The following AVIL variants were observed in gnomAD, a reference collection of about 807,000 sequenced individuals.
AVIL encodes advillin.
AVIL carries 78 observed loss-of-function variants against 109.9 expected under a neutral mutation model. That is an observed-to-expected ratio of 0.71 (90% CI 0.59 to 0.86). The LOEUF (loss-of-function observed/expected upper bound fraction) is 0.86. Among genes scored for constraint, AVIL ranks in the 40% least tolerant of loss-of-function variants. The pLI, the probability that AVIL is intolerant of heterozygous loss-of-function variation, is 0.00. For missense variants in AVIL, 892 were observed against 1,016.5 expected (o/e 0.88, Z 1.67); for synonymous variants, 367 against 379.1 (o/e 0.97, Z 0.37).
intron 2 of AVIL, among the ~76,000 whole-genome samples, chr12:57,815,331 G>C (rs1289089178): frequency 6.6e-6 from 1 of 152,244 alleles, no homozygotes; most frequent in East Asian, 1.9e-4. Context: ...TGCGAGGCTT[G>C]CTGGAGAGCT....
chr12:57,799,747 T>A, intron 19 of AVIL, 48 bp downstream of exon 19: 6 of 1,610,144 alleles, frequency 3.7e-6, no homozygotes, highest in Non-Finnish European at 5.1e-6. Flanking sequence ...AGTTTTTTAC[T>A]CACGGAGAGC....
intron 18 of AVIL, among the ~76,000 whole-genome samples, chr12:57,800,815 T>G (rs1955831965): frequency 6.6e-6 from 1 of 152,058 alleles, no homozygotes; most frequent in Non-Finnish European, 1.5e-5. Flanking sequence ...ACCATATTAG[T>G]CAGGCTGGTC....
At chr12:57,818,182 C>CCTTTTTTCTT (rs1956119834) in intron 1 of AVIL, among the ~76,000 whole-genome samples, 1 of 35,256 alleles carries the variant, frequency 2.8e-5, no homozygotes, top group African/African-American at 9.2e-5. Flanking sequence ...CCATGCTTGG[C>CCTTTTTTCTT]TTTTTTTTTT....
intron 6 of AVIL, 89 bp from the exon 7 acceptor site, chr12:57,810,640 C>T: frequency 1.3e-6 from 2 of 1,492,640 alleles, no homozygotes; most frequent in Admixed American, 1.8e-5. Flanking sequence ...ATCCCAGACA[C>T]AGGAGTTACT....
chr12:57,815,468 G>A, intron 2 of AVIL: 2 of 809,012 alleles, frequency 2.5e-6, no homozygotes, highest in Non-Finnish European at 3.3e-6. Flanking sequence ...AGCTACCCAG[G>A]CCAGGGTGGT....
chr12:57,799,131 G>A (rs1955795548), intron 19 of AVIL, among the ~76,000 whole-genome samples: 1 of 152,192 alleles, frequency 6.6e-6, no homozygotes, highest in Non-Finnish European at 1.5e-5. Context: ...AGCAGTATTA[G>A]GGTGGTCAGG....
In AVIL at chr12:57,797,852, G is replaced by A; in HGVS notation, c.*30C>T. Reference sequence around the variant, plus strand: ...ATTGGCACTATCTGCTCTTTTCTGTGGCCTTGCAATAGGTATAGGCCTTCT... The same window carrying A: ...ATTGGCACTATCTGCTCTTTTCTGTAGCCTTGCAATAGGTATAGGCCTTCT... On this transcript the variant is annotated 3_prime_UTR_variant, in exon 20 of 20. Transcript: ENST00000549994. The A allele has an allele frequency of 2.0e-6, 3 of 1,497,200 alleles. No individual in the cohort carries two copies. Among genetic ancestry groups the A allele is most frequent in the African/African-American group, 1.4e-5 (1 of 70,774 alleles). The allele number at this position is 1,497,200 out of a possible 1,614,324, so 92.7% of individuals were successfully genotyped here. A position where few individuals can be genotyped will look rare whatever the true frequency, so the allele number is the denominator to read the frequency against.
At chr12:57,808,941 AT>A (rs1337680314) in intron 9 of AVIL, 1 of 201,762 alleles carries the variant, frequency 5.0e-6, no homozygotes, top group Non-Finnish European at 1.0e-5. Context: ...GATATGTGAT[AT>A]CCCCTTCAAT....
In AVIL at chr12:57,811,132, G is replaced by C; in HGVS notation, c.339-5C>G. The stretch of plus-strand genomic sequence containing the variant: ...GCGACACCCCCCTGCTTGTAGCTAA[G>C]GGAACATCCATTCAGTTATTTGAGT... On this transcript the variant is annotated splice_region_variant and splice_polypyrimidine_tract_variant and intron_variant, in intron 4 of 19. Transcript: ENST00000549994. The C allele has an allele frequency of 6.2e-7, 1 of 1,613,830 alleles. No individual in the cohort carries two copies. The highest frequency in any genetic ancestry group is 1.3e-5 in the African/African-American group (1 of 75,044).
In AVIL at chr12:57,799,904, G is replaced by A. The variant is rs771083612; in HGVS notation, c.2237C>T (p.Thr746Ile). ...MRITADMKNA[T>I]LSLNSNDSEP... The stretch of plus-strand genomic sequence containing the variant: ...ACTGTCATTAGAATTCAGGGAGAGG[G>A]TTGCATTCTTCATGTCCTAGGTAAG... The change falls in exon 19 of 20, where the codon ACC becomes ATC. Residue 746 changes from threonine (T) to isoleucine (I), a missense_variant. Coordinates refer to ENST00000549994, the MANE Select transcript of AVIL (RefSeq NM_006576.4). 112 of 1,614,064 alleles carry A rather than the reference G, an allele frequency of 6.9e-5. No individual in the cohort carries two copies. Among genetic ancestry groups the A allele is most frequent in the Non-Finnish European group, 9.3e-5 (110 of 1,180,030 alleles).
chr12:57,810,706 AG>A (rs1956025431), intron 6 of AVIL, 109 bp downstream of exon 6: 1 of 1,417,690 alleles, frequency 7.1e-7, no homozygotes, highest in African/African-American at 1.4e-5. Context: ...CCTGTCTCCA[AG>A]ACAGATTCTA....
At chr12:57,816,115 A>G (rs549403770) in intron 1 of AVIL, 56 bp from the exon 2 acceptor site, 3 of 1,471,128 alleles carry the variant, frequency 2.0e-6, no homozygotes, top group South Asian at 1.3e-5. Context: ...GTGGGCATCA[A>G]TCCAGTTTTT....
chr12:57,808,420 C>T lies in AVIL; in HGVS notation c.1068G>A (p.Gly356=). 6.2e-7 allele frequency: 1 copy of T among 1,614,202 alleles called. No homozygotes were observed. The highest frequency in any genetic ancestry group is 1.1e-5 in the South Asian group (1 of 91,082). ...CAATTTTACCAATGCTGAACGTTTT[C>T]CCCAGGCCCATGGTCTGGTCCTTTA... ...WSVKDQTMGL[G]KTFSIGKIAK... is the part of the protein sequence containing the mutation. The change falls in exon 10 of 20, where the codon GGG becomes GGA. Residue 356 remains glycine (G), a synonymous_variant. Coordinates refer to ENST00000549994, the MANE Select transcript of AVIL (RefSeq NM_006576.4).
chr12:57,810,010 A>G, intron 7 of AVIL, 120 bp from the exon 8 acceptor site: 1 of 1,009,158 alleles, frequency 9.9e-7, no homozygotes, highest in Non-Finnish European at 1.5e-6. Flanking sequence ...ACTGCCTAAG[A>G]CAGCCATGAC....
intron 1 of AVIL, 58 bp downstream of exon 1, chr12:57,818,571 C>A (rs1956124538): frequency 1.3e-5 from 2 of 152,214 alleles, no homozygotes; most frequent in South Asian, 4.1e-4. Context: ...CTCTTCCTTT[C>A]ATTTCTTCCT....
Position 57,810,854 on chromosome 12 carries a change from A to G in AVIL, c.520T>C (p.Trp174Arg), listed in dbSNP as rs754296973. The change falls in exon 6 of 20, where the codon TGG (tryptophan) becomes CGG (arginine). Residue 174 changes from tryptophan to arginine, a missense_variant. By Grantham distance (101) the Trp-to-Arg change is moderately radical (BLOSUM62 -3). Transcript: ENST00000549994. ...CCACTGTTGCTCTCTGGGCCATTCC[A>G]TTGGATGATGACTTTCCCAAGGTCC... The part of the protein sequence containing the change: ...LLDLGKVIIQ[W>R]NGPESNSGER... 4 of 1,614,066 alleles carry G rather than the reference A, an allele frequency of 2.5e-6. No individual in the cohort carries two copies. The South Asian group carries it at 4.4e-5, about 18-fold the overall frequency.
chr12:57,813,537 C>T, intron 3 of AVIL, 114 bp from the exon 4 acceptor site: 1 of 1,047,224 alleles, frequency 9.5e-7, no homozygotes, highest in Non-Finnish European at 1.4e-6. Flanking sequence ...ACTGAGGGCC[C>T]TCTCTCCTGC....
Position 57,797,772 on chromosome 12 carries a change from C to T in AVIL, c.*110G>A, listed in dbSNP as rs1955765399. The T allele has an allele frequency of 1.1e-6, 1 of 902,016 alleles. No individual in the cohort carries two copies. Among genetic ancestry groups the T allele is most frequent in the Non-Finnish European group, 1.6e-6 (1 of 640,974 alleles). 55.9% of individuals were successfully genotyped at this position (902,016 alleles called of 1,614,324 possible). On this transcript the variant is annotated 3_prime_UTR_variant, in exon 20 of 20. Transcript: ENST00000549994. Reference sequence around the variant, plus strand: ...CCGTGATTTGCAGACTCTATTATATCTAAATTAAGTAGCTGAATGTCAGGC... The same window carrying T: ...CCGTGATTTGCAGACTCTATTATATTTAAATTAAGTAGCTGAATGTCAGGC...
rs766616261 is a variant in AVIL at position 57,811,070 on chromosome 12, G to A, written c.396C>T (p.Asp132=). 26 of 1,614,146 alleles carry A rather than the reference G, an allele frequency of 1.6e-5. No individual in the cohort carries two copies. Among genetic ancestry groups the A allele is most frequent in the South Asian group, 5.5e-5 (5 of 91,080 alleles). Residue 132 remains aspartate, a synonymous_variant, in exon 5 of 20, where the codon GAC becomes GAT. Coordinates refer to ENST00000549994, the MANE Select transcript of AVIL (RefSeq NM_006576.4). ...CTTTCACATGTAGCAGCCGCTTCAC[G>A]TCGTAGGTATTGGTCTCCACGTGCT... The part of the protein sequence containing the change: ...GMKHVETNTY[D]VKRLLHVKGK...
Sources: gnomAD v4.1 joint callset for allele counts (sites outside exome capture counted in the v4.1 genomes callset) on GRCh38, gnomAD v4.1.1 for gene constraint, MANE v1.5 for transcripts, NCBI Gene and HGNC (gene_info 2026-07-23, HGNC 2026-07-21) for gene names.